The following KMT2D variants were observed in gnomAD, a reference collection of about 807,000 sequenced individuals.
The protein encoded by KMT2D is histone-lysine N-methyltransferase 2D.
Under a neutral mutation model 512.7 loss-of-function variants are expected in KMT2D, and 55 were observed. The ratio of observed to expected loss-of-function variants is 0.11; its 90% CI spans 0.09 to 0.13. KMT2D has a LOEUF of 0.13. Ranked by LOEUF, KMT2D falls within the 10% of genes least tolerant of loss-of-function variation. The pLI is 1.00. For synonymous variants in KMT2D, 2,995 were observed against 2,904.0 expected (o/e 1.03, Z -1.01); for missense variants, 6,061 against 7,127.9 (o/e 0.85, Z 5.39).
chr12:49,044,525 G>A lies in KMT2D; in HGVS notation c.4964-3C>T, dbSNP rs2120585172. On this transcript the variant is annotated splice_region_variant and splice_polypyrimidine_tract_variant and intron_variant, in intron 20 of 54. Coordinates refer to ENST00000301067, the MANE Select transcript of KMT2D (RefSeq NM_003482.4). This position sits in a 1 kb window ranked among gnomAD's most constrained non-coding sequence, Gnocchi z 6.4. ...GCACTCCATGTGCTCCACACCACCT[G>A]CGTATGGTGACAGAAGAGATGGAGG... is the stretch of plus-strand genomic sequence containing the variant. 1 of 1,613,752 alleles carries A rather than the reference G, an allele frequency of 6.2e-7. No individual in the cohort carries two copies.
Position 49,033,314 on chromosome 12 carries a change from C to A in KMT2D, c.11391G>T (p.Gly3797=). 1 of 1,592,506 alleles carries A rather than the reference C, an allele frequency of 6.3e-7. No homozygotes were observed. The highest frequency in any genetic ancestry group is 8.5e-7 in the Non-Finnish European group (1 of 1,169,772). The change falls in exon 40 of 55, where the codon GGG becomes GGT. Residue 3797 remains glycine (G), a synonymous_variant. Transcript: ENST00000301067. Reference sequence around the variant, plus strand: ...GGGCAGGGCCCAGCATGCCCTGGGGCCCCTGGGGTGGTTGAGGGGACAGCT... The same window carrying A: ...GGGCAGGGCCCAGCATGCCCTGGGGACCCTGGGGTGGTTGAGGGGACAGCT... ...VQQLSPQPPQ[G]PQGMLGPAQV...
chr12:49,022,147 T>C lies in KMT2D; in HGVS notation c.16417A>G (p.Ile5473Val), dbSNP rs759195065. Residue 5473 changes from isoleucine to valine, a missense_variant, in exon 54 of 55, where the codon ATT becomes GTT. By Grantham distance (29) the Ile-to-Val change is conservative. Transcript: ENST00000301067. This position sits in a 1 kb window ranked among gnomAD's most constrained non-coding sequence, Gnocchi z 8.6. ...CAGTTAGGGGCACAGGAATGGTTAA[T>C]GTACCTGGGCAGTGGGACAGAGTCA... is the stretch of plus-strand genomic sequence containing the variant. ...ATLTGGPARY[I>V]NHSCAPNCVA... 6.2e-7 allele frequency: 1 copy of C among 1,613,754 alleles called. No individual in the cohort carries two copies.
chr12:49,049,074 G>A (rs372713399), intron 13 of KMT2D, 31 bp downstream of exon 13: 2 of 1,376,078 alleles, frequency 1.5e-6, no homozygotes, highest in Admixed American at 1.8e-5. Context: ...GCATGGTTGG[G>A]GGATGGGAGG....
rs1942392135 is a variant in KMT2D at position 49,022,817 on chromosome 12, C to T, written c.16111G>A (p.Glu5371Lys). 2 of 1,613,484 alleles carry T rather than the reference C, an allele frequency of 1.2e-6. No individual in the cohort carries two copies. Among genetic ancestry groups the T allele is most frequent in the Non-Finnish European group, 1.7e-6 (2 of 1,179,676 alleles). Reference sequence around the variant, plus strand: ...TGCTTGCTGTAGGGGGTGTTGGTCTCGCCTGTGAAGGTGCTCTGATATGCC... The same window carrying T: ...TGCTTGCTGTAGGGGGTGTTGGTCTTGCCTGTGAAGGTGCTCTGATATGCC... ...SKAYQSTFTG[E>K]TNTPYSKQFV... The change falls in exon 52 of 55, where the codon GAG becomes AAG. Residue 5371 changes from glutamate (E) to lysine (K), a missense_variant. Coordinates refer to ENST00000301067, the MANE Select transcript of KMT2D (RefSeq NM_003482.4). The surrounding 1 kb of genome is among the most constrained non-coding windows in gnomAD (Gnocchi z 8.6).
Position 49,027,185 on chromosome 12 carries a change from ACT to A in KMT2D, c.14779_14780del (p.Pro4929TyrfsTer2). ...PPSPLAPSPA[S>X]PPTEPLVELP... ...GTTCAACCAAGGGCTCAGTAGGGGG[ACT>A]GGCAGGAGAAGGTGCCAAGGGGGAA... is the stretch of plus-strand genomic sequence containing the variant. On this transcript the variant is annotated frameshift_variant, in exon 49 of 55. Transcript: ENST00000301067. LOFTEE classifies it high-confidence loss of function. 1 of 1,528,674 alleles carries A rather than the reference ACT, an allele frequency of 6.5e-7. No individual in the cohort carries two copies. The highest frequency in any genetic ancestry group is 2.0e-5 in the Admixed American group (1 of 50,562). The allele number at this position is 1,528,674 out of a possible 1,614,324, so 94.7% of individuals were successfully genotyped here.
rs200388908 is a variant in KMT2D at position 49,042,041 on chromosome 12, A to G, written c.6109+48T>C. 118 of 1,610,104 alleles carry G rather than the reference A, an allele frequency of 7.3e-5. 1 individual carries two copies. In the South Asian group the frequency reaches 1.2e-3, roughly 17 times the overall value. ...AGAAGACTTGGCAGGCGACTCCTCC[A>G]CCTGCCATGTTGCCAGGCTGTCTCC... On this transcript the variant is annotated intron_variant, in intron 29 of 54. Coordinates refer to ENST00000301067, the MANE Select transcript of KMT2D (RefSeq NM_003482.4). This position sits in a 1 kb window ranked among gnomAD's most constrained non-coding sequence, Gnocchi z 4.4.
intron 6 of KMT2D, 96 bp from the exon 7 acceptor site, chr12:49,053,737 G>T: frequency 7.3e-7 from 1 of 1,377,122 alleles, no homozygotes; most frequent in Non-Finnish European, 9.8e-7. Context: ...GGCACAGAAT[G>T]AACAAACAAC....
At position 49,033,203 on chromosome 12, in the gene KMT2D, C is replaced by T. The variant is rs1943042576; in HGVS notation, c.11502G>A (p.Val3834=). Residue 3834 remains valine, a synonymous_variant, in exon 40 of 55, where the codon GTG becomes GTA. Coordinates refer to ENST00000301067, the MANE Select transcript of KMT2D (RefSeq NM_003482.4). The part of the protein sequence containing the change: ...HRQVLMTQSR[V]LSSPQLAQQG... ...GCTGTGCCAGCTGGGGGGAACTGAG[C>T]ACCCGGGACTGGGTCATAAGCACCT... 2 of 1,550,444 alleles carry T rather than the reference C, an allele frequency of 1.3e-6. No individual in the cohort carries two copies. Among genetic ancestry groups the T allele is most frequent in the African/African-American group, 1.4e-5 (1 of 72,978 alleles).
intron 15 of KMT2D, among the ~76,000 whole-genome samples, chr12:49,047,140 C>T (rs1324763781): frequency 2.0e-5 from 3 of 152,074 alleles, no homozygotes; most frequent in East Asian, 1.9e-4. Flanking sequence ...TGTGCGCCAC[C>T]GTGCCCAGCC....
rs2120568209 is a variant in KMT2D at position 49,043,406 on chromosome 12, T to A, written c.5490A>T (p.Ala1830=). The change falls in exon 25 of 55, where the codon GCA becomes GCT. Residue 1830 remains alanine (A), a synonymous_variant. Coordinates refer to ENST00000301067, the MANE Select transcript of KMT2D (RefSeq NM_003482.4). The stretch of plus-strand genomic sequence containing the variant: ...CCTCGAGGCCACGGGATTCTTCATC[T>A]GCAATATCTGGACCATCATCTCCTA... ...SQKGDDGPDI[A]DEESRGLEGK... The A allele has an allele frequency of 6.2e-7, 1 of 1,614,000 alleles. No homozygotes were observed. Among genetic ancestry groups the A allele is most frequent in the Non-Finnish European group, 8.5e-7 (1 of 1,179,888 alleles).
At chr12:49,056,673 C>T (rs1306008312) in intron 1 of KMT2D, among the ~76,000 whole-genome samples, 1 of 152,186 alleles carries the variant, frequency 6.6e-6, no homozygotes, top group Admixed American at 6.5e-5. Context: ...TCATCTCTCG[C>T]CTTTTCCACT....
In KMT2D at chr12:49,041,464, T is replaced by G; in HGVS notation, c.6306A>C (p.Leu2102=). 6.2e-7 allele frequency: 1 copy of G among 1,613,374 alleles called. No individual in the cohort carries two copies. Among genetic ancestry groups the G allele is most frequent in the Non-Finnish European group, 8.5e-7 (1 of 1,179,504 alleles). ...CTGGCTGCGGGGGAATGCGGAGATG[T>G]AGGGCCGGTCGGTCAGTCTTACGGG... ...DIARKTDRPA[L]HLRIPPQPGA... is the part of the protein sequence containing the mutation. Residue 2102 remains leucine (L), a synonymous_variant, in exon 32 of 55, where the codon CTA becomes CTC. Coordinates refer to ENST00000301067, the MANE Select transcript of KMT2D (RefSeq NM_003482.4). This position sits in a 1 kb window ranked among gnomAD's most constrained non-coding sequence, Gnocchi z 5.4.
intron 24 of KMT2D, 81 bp downstream of exon 24, chr12:49,043,554 A>G (rs1182679568): frequency 3.8e-6 from 6 of 1,598,754 alleles, no homozygotes; most frequent in East Asian, 4.5e-5. Context: ...AGGCCAGTCC[A>G]TTTCCCATCA....
Position 49,037,143 on chromosome 12 carries a change from T to C in KMT2D, c.10213A>G (p.Ser3405Gly), listed in dbSNP as rs2120474595. 1.3e-6 allele frequency: 2 copies of C among 1,578,616 alleles called. No individual in the cohort carries two copies. Among genetic ancestry groups the C allele is most frequent in the Non-Finnish European group, 1.7e-6 (2 of 1,156,800 alleles). ...QLAMQQQLANSFFPDTDLDKF... is the reference protein window; with the variant it reads ...QLAMQQQLANGFFPDTDLDKF... The stretch of plus-strand genomic sequence containing the variant: ...AGGTTACCTGTATCTGGGAAGAAGC[T>C]GTTTGCCAGCTGCTGCTGCATTGCC... The change falls in exon 35 of 55, where the codon AGC (serine) becomes GGC (glycine). Residue 3405 changes from serine to glycine, a missense_variant. Around this residue, in one of 16 missense-constraint regions of KMT2D, gnomAD observed 533 missense variants for 539.6 expected, o/e 0.99. Transcript: ENST00000301067.
intron 42 of KMT2D, 29 bp downstream of exon 42, chr12:49,030,572 T>A: frequency 6.5e-7 from 1 of 1,539,124 alleles, no homozygotes; most frequent in South Asian, 1.3e-5. Flanking sequence ...AACTTCACTA[T>A]TCCCAAAAAA....
At chr12:49,035,001 C>T (rs1428663883) in intron 35 of KMT2D, 66 bp from the exon 36 acceptor site, 3 of 1,584,526 alleles carry the variant, frequency 1.9e-6, no homozygotes, top group Non-Finnish European at 2.6e-6. Context: ...TCTGCGATTC[C>T]CTTCAACATC....
Position 49,033,702 on chromosome 12 carries a change from G to T in KMT2D, c.11003C>A (p.Pro3668His), listed in dbSNP as rs1352496690. 2.7e-5 allele frequency: 43 copies of T among 1,613,560 alleles called. No individual in the cohort carries two copies. Among genetic ancestry groups the T allele is most frequent in the Non-Finnish European group, 3.6e-5 (43 of 1,179,880 alleles). ...AGCTGTATTAAGGAAGGGGCCACCA[G>T]GCTGTCCAGGTAGTGCCATACCCCC... is the stretch of plus-strand genomic sequence containing the variant. ...TPGGMALPGQ[P>H]GGPFLNTALA... The change falls in exon 40 of 55, where the codon CCT becomes CAT. Residue 3668 changes from proline to histidine, a missense_variant. Physicochemically the swap from Pro to His is moderately conservative, Grantham distance 77. This residue lies in a region of KMT2D where 1,600 missense variants were observed against 1,754.9 expected (regional missense o/e 0.91). Coordinates refer to ENST00000301067, the MANE Select transcript of KMT2D (RefSeq NM_003482.4).
At chr12:49,055,545 C>CACAT (rs983887855) in intron 1 of KMT2D, among the ~76,000 whole-genome samples, 184 bp from the exon 2 acceptor site, 2 of 152,216 alleles carry the variant, frequency 1.3e-5, no homozygotes, top group Non-Finnish European at 2.9e-5. Context: ...CCCAGATAAA[C>CACAT]ACATACGCTC....
chr12:49,049,541 T>C, intron 12 of KMT2D, 141 bp downstream of exon 12: 1 of 935,372 alleles, frequency 1.1e-6, no homozygotes, highest in Non-Finnish European at 1.5e-6. Flanking sequence ...TACGTATTAG[T>C]ATTTTCTCCT....
Sources: gnomAD v4.1 joint callset for allele counts (sites outside exome capture counted in the v4.1 genomes callset) on GRCh38, gnomAD v4.1.1 for gene constraint, gnomAD v4.1.1 regional missense constraint, Gnocchi (gnomAD v3.1) non-coding constraint, MANE v1.5 for transcripts, NCBI Gene and HGNC (gene_info 2026-07-23, HGNC 2026-07-21) for gene names.